The following RAD51B variants were observed in gnomAD, a reference collection of about 807,000 sequenced individuals.
RAD51B encodes RAD51 paralog B.
Under a neutral mutation model 42.2 loss-of-function variants are expected in RAD51B, and 38 were observed. That is an observed-to-expected ratio of 0.90 (90% CI 0.70 to 1.18). RAD51B has a LOEUF of 1.18. RAD51B is among the 50% of genes most tolerant of loss of function. The pLI, the probability that RAD51B is intolerant of heterozygous loss-of-function variation, is 0.00. For synonymous variants in RAD51B, 154 were observed against 145.2 expected (o/e 1.06, Z -0.43); for missense variants, 373 against 400.7 (o/e 0.93, Z 0.59).
intron 7 of RAD51B, among the ~76,000 whole-genome samples, chr14:68,133,821 T>G (rs1379164295): frequency 6.6e-6 from 1 of 152,166 alleles, no homozygotes; most frequent in Admixed American, 6.5e-5. Flanking sequence ...AGAAAACTTT[T>G]TTTTTTAAAT....
intron 10 of RAD51B, among the ~76,000 whole-genome samples, chr14:68,650,519 A>T (rs1024837500): frequency 1.3e-5 from 2 of 152,330 alleles, no homozygotes; most frequent in East Asian, 1.9e-4. Flanking sequence ...TTAGAGTGAG[A>T]TCTATCTACC....
chr14:68,362,279 A>C (rs1447657131), intron 8 of RAD51B, among the ~76,000 whole-genome samples: 1 of 152,236 alleles, frequency 6.6e-6, no homozygotes, highest in Non-Finnish European at 1.5e-5. Flanking sequence ...AAATTCCTAA[A>C]AGAGAGTAAG....
intron 10 of RAD51B, among the ~76,000 whole-genome samples, chr14:68,637,770 G>A (rs558048059): frequency 6.6e-6 from 1 of 152,332 alleles, no homozygotes; most frequent in African/African-American, 2.4e-5. Flanking sequence ...TCAGGAGTAG[G>A]AAGGGTCGGT....
chr14:68,258,478 A>G (rs572086883), intron 7 of RAD51B, among the ~76,000 whole-genome samples: 4 of 151,760 alleles, frequency 2.6e-5, no homozygotes, highest in Admixed American at 6.6e-5. Flanking sequence ...CCAAGTTTTT[A>G]TTGTTTTTGG....
chr14:68,301,592 GTTTTTTT>G (rs139865933), intron 8 of RAD51B, among the ~76,000 whole-genome samples: 3,905 of 109,778 alleles, frequency 0.036, 184 homozygotes, highest in African/African-American at 0.12. Flanking sequence ...TTGTTTGTGT[GTTTTTTT>G]TTTTTTTTTT....
intron 7 of RAD51B, among the ~76,000 whole-genome samples, chr14:68,155,476 G>A (rs757540989): frequency 4.5e-4 from 68 of 152,166 alleles, no homozygotes; most frequent in Non-Finnish European, 8.8e-4. Context: ...ACAGGCATGA[G>A]CCACCGCGCC....
chr14:68,473,002 T>G (rs548994765), intron 10 of RAD51B, among the ~76,000 whole-genome samples: 1 of 152,220 alleles, frequency 6.6e-6, no homozygotes, highest in Non-Finnish European at 1.5e-5. Context: ...CCCATTTTTT[T>G]AGTCACTGAG....
At chr14:68,677,567 G>A (rs1037440051) in intron 11 of RAD51B, among the ~76,000 whole-genome samples, 3 of 152,126 alleles carry the variant, frequency 2.0e-5, no homozygotes, top group Non-Finnish European at 2.9e-5. Context: ...TCTAAACCCT[G>A]TAGTTCTCAA....
chr14:68,035,496 T>G (rs1036062639), intron 7 of RAD51B, among the ~76,000 whole-genome samples: 13 of 152,334 alleles, frequency 8.5e-5, no homozygotes, highest in African/African-American at 3.1e-4. Context: ...GCTTTCCTCA[T>G]TACTGTTTTA....
intron 7 of RAD51B, among the ~76,000 whole-genome samples, chr14:68,089,304 G>A (rs1451196062): frequency 2.0e-5 from 3 of 152,110 alleles, no homozygotes; most frequent in African/African-American, 7.2e-5. Flanking sequence ...TGTACTGTGT[G>A]ATTTGTTCCC....
At chr14:68,204,701 T>G (rs2079552160) in intron 7 of RAD51B, among the ~76,000 whole-genome samples, 1 of 152,204 alleles carries the variant, frequency 6.6e-6, no homozygotes, top group Admixed American at 6.5e-5. Flanking sequence ...TGTGATTTAA[T>G]TTTTTAAAAA....
At chr14:68,375,019 C>T (rs1393624221) in intron 8 of RAD51B, among the ~76,000 whole-genome samples, 3 of 151,676 alleles carry the variant, frequency 2.0e-5, no homozygotes, top group African/African-American at 7.3e-5. Flanking sequence ...TAAGATGTGG[C>T]CTGGCTTTCC....
intron 8 of RAD51B, among the ~76,000 whole-genome samples, chr14:68,357,962 T>C (rs1205966786): frequency 6.6e-6 from 1 of 152,228 alleles, no homozygotes; most frequent in Admixed American, 6.5e-5. Flanking sequence ...GTAGGGTTAA[T>C]TGGCCTAATT....
intron 7 of RAD51B, among the ~76,000 whole-genome samples, chr14:68,243,302 G>A (rs1210308533): frequency 2.6e-5 from 4 of 151,898 alleles, no homozygotes; most frequent in Non-Finnish European, 5.9e-5. Context: ...AAAAAATAAA[G>A]CATTATTCAT....
chr14:67,867,890 A>G (rs528316481), intron 5 of RAD51B, among the ~76,000 whole-genome samples: 23 of 152,338 alleles, frequency 1.5e-4, no homozygotes, highest in Admixed American at 8.5e-4. Flanking sequence ...CACAAATGAG[A>G]AAGTGTTTAA....
At chr14:68,660,703 G>A (rs918024000) in intron 11 of RAD51B, among the ~76,000 whole-genome samples, 7 of 152,202 alleles carry the variant, frequency 4.6e-5, no homozygotes, top group Admixed American at 1.3e-4. Context: ...ACAGTCCTTG[G>A]TTATGCGGCA....
chr14:68,497,420 G>A, intron 10 of RAD51B: 9 of 1,103,990 alleles, frequency 8.2e-6, no homozygotes, highest in Non-Finnish European at 1.0e-5. Flanking sequence ...CACTGACAAT[G>A]GGCACACAGG....
At chr14:67,934,484 AC>A (rs1423141163) in intron 7 of RAD51B, among the ~76,000 whole-genome samples, 2 of 152,010 alleles carry the variant, frequency 1.3e-5, no homozygotes, top group East Asian at 3.9e-4. Context: ...TATTTATTTG[AC>A]ACGTATTTAA....
intron 10 of RAD51B, among the ~76,000 whole-genome samples, chr14:68,617,578 G>A (rs114531694): frequency 0.01 from 1,555 of 152,276 alleles, 36 homozygotes; most frequent in African/African-American, 0.035. Context: ...CTGCCCCACA[G>A]TTTCCAACTA....
Sources: allele counts gnomAD v4.1 joint callset (sites outside exome capture counted in the v4.1 genomes callset), GRCh38; gene constraint gnomAD v4.1.1; transcripts MANE v1.5; gene names NCBI Gene and HGNC (gene_info 2026-07-23, HGNC 2026-07-21).